EIF2AK3: variants seen among roughly 807,000 people sequenced by gnomAD.
EIF2AK3 encodes eukaryotic translation initiation factor 2 alpha kinase 3.
Under a neutral mutation model 113.5 loss-of-function variants are expected in EIF2AK3, and 50 were observed. The ratio of observed to expected loss-of-function variants is 0.44; its 90% CI spans 0.35 to 0.56. The LOEUF is 0.56. Among genes scored for constraint, EIF2AK3 ranks in the 20% least tolerant of loss-of-function variants. The pLI is 0.00. For synonymous variants in EIF2AK3, 448 were observed against 495.4 expected (o/e 0.90, Z 1.27); for missense variants, 1,185 against 1,378.0 (o/e 0.86, Z 2.22).
chr2:88,594,464 T>C (rs935177925), intron 3 of EIF2AK3, among the ~76,000 whole-genome samples: 1 of 152,160 alleles, frequency 6.6e-6, no homozygotes, highest in African/African-American at 2.4e-5. Flanking sequence ...CCCAAAGTGG[T>C]AGGATTACAA....
chr2:88,583,288 A>T, intron 10 of EIF2AK3, 142 bp downstream of exon 10: 1 of 645,842 alleles, frequency 1.5e-6, no homozygotes, highest in Non-Finnish European at 2.7e-6. Flanking sequence ...TAATACATTT[A>T]AGTTACCTGA....
intron 3 of EIF2AK3, among the ~76,000 whole-genome samples, chr2:88,594,502 G>A (rs912375079): frequency 7.2e-5 from 11 of 152,122 alleles, no homozygotes; most frequent in Non-Finnish European, 2.9e-5. Context: ...TGGTTGAAAG[G>A]ATGCTTTTAA....
intron 2 of EIF2AK3, among the ~76,000 whole-genome samples, chr2:88,601,535 T>C (rs1675147063): frequency 6.6e-6 from 1 of 152,198 alleles, no homozygotes; most frequent in Non-Finnish European, 1.5e-5. Flanking sequence ...CAGCTGCAAC[T>C]AAAGGCCACA....
intron 8 of EIF2AK3, among the ~76,000 whole-genome samples, chr2:88,587,504 G>A (rs1208581229): frequency 6.6e-6 from 1 of 152,060 alleles, no homozygotes; most frequent in African/African-American, 2.4e-5. Context: ...TCTCTTGTCT[G>A]AGTAAGAAGA....
intron 13 of EIF2AK3, among the ~76,000 whole-genome samples, chr2:88,571,491 T>G (rs1371928215): frequency 6.6e-6 from 1 of 152,166 alleles, no homozygotes; most frequent in Non-Finnish European, 1.5e-5. Flanking sequence ...ACAACCCCAT[T>G]AGATGAGTAC....
intron 11 of EIF2AK3, among the ~76,000 whole-genome samples, chr2:88,578,626 G>A (rs1334283795): frequency 6.6e-6 from 1 of 151,214 alleles, no homozygotes; most frequent in African/African-American, 2.4e-5. Flanking sequence ...AGGTTGCAGA[G>A]AGCCGAGATT....
intron 13 of EIF2AK3, 136 bp downstream of exon 13, chr2:88,574,530 T>C: frequency 1.8e-6 from 2 of 1,099,960 alleles, no homozygotes; most frequent in South Asian, 1.4e-5. Context: ...CCTTCGAGGC[T>C]ACTTTCTCAG....
intron 14 of EIF2AK3, among the ~76,000 whole-genome samples, chr2:88,567,450 C>A (rs771529318): frequency 6.6e-6 from 1 of 152,162 alleles, no homozygotes; most frequent in Non-Finnish European, 1.5e-5. Flanking sequence ...CTATTCCCAT[C>A]TTTATTTTCC....
At chr2:88,605,946 G>T (rs1031847533) in intron 2 of EIF2AK3, among the ~76,000 whole-genome samples, 3 of 152,154 alleles carry the variant, frequency 2.0e-5, no homozygotes, top group Non-Finnish European at 2.9e-5. Flanking sequence ...AACGGGAGGG[G>T]TAATGAGATT....
At chr2:88,599,026 T>G (rs1466125116) in intron 2 of EIF2AK3, among the ~76,000 whole-genome samples, 1 of 152,112 alleles carries the variant, frequency 6.6e-6, no homozygotes, top group Non-Finnish European at 1.5e-5. Flanking sequence ...GGTTTTTTTT[T>G]TTCTTTTTTG....
At chr2:88,603,721 G>A (rs1675204715) in intron 2 of EIF2AK3, among the ~76,000 whole-genome samples, 2 of 152,032 alleles carry the variant, frequency 1.3e-5, no homozygotes. Context: ...TTTGGTCATA[G>A]GTCTTCTCAC....
chr2:88,569,650 C>T (rs1479107385), intron 14 of EIF2AK3, among the ~76,000 whole-genome samples: 1 of 152,048 alleles, frequency 6.6e-6, no homozygotes, highest in East Asian at 1.9e-4. Flanking sequence ...ATGACTAATG[C>T]ACAATGTAAA....
At chr2:88,566,174 C>A (rs566924462) in intron 14 of EIF2AK3, among the ~76,000 whole-genome samples, 1 of 152,290 alleles carries the variant, frequency 6.6e-6, no homozygotes, top group South Asian at 2.1e-4. Flanking sequence ...TCCTCCCTGC[C>A]TTCTATTGAG....
In EIF2AK3 at chr2:88,595,519, C is replaced by A. The variant is rs748849019; in HGVS notation, c.583G>T (p.Val195Phe). The change falls in exon 3 of 17, where the codon GTT becomes TTT. Residue 195 changes from valine to phenylalanine, a missense_variant. Around this residue, in one of 3 missense-constraint regions of EIF2AK3, gnomAD observed 119 missense variants for 178.7 expected, o/e 0.67. Transcript: ENST00000303236. ...TATGTAGTCAGAGATTTTCCTCCAA[C>A]CAAAACAACATCATCTCCAAATTTA... The part of the protein sequence containing the change: ...SYKFGDDVVL[V>F]GGKSLTTYGL... The A allele has an allele frequency of 1.2e-6, 2 of 1,614,070 alleles. No individual in the cohort carries two copies. Among genetic ancestry groups the A allele is most frequent in the African/African-American group, 1.3e-5 (1 of 75,026 alleles).
chr2:88,558,022 T>C (rs1040115805), intron 16 of EIF2AK3, 86 bp from the exon 17 acceptor site: 2 of 1,344,910 alleles, frequency 1.5e-6, no homozygotes, highest in Non-Finnish European at 2.1e-6. Context: ...AAAATATTTC[T>C]GTACATATTT....
intron 14 of EIF2AK3, among the ~76,000 whole-genome samples, chr2:88,564,518 C>T (rs1301864051): frequency 6.6e-6 from 1 of 152,078 alleles, no homozygotes; most frequent in East Asian, 1.9e-4. Context: ...TTGTCATCAA[C>T]CTCTTCCTTT....
chr2:88,560,756 T>G (rs913749980), intron 15 of EIF2AK3, among the ~76,000 whole-genome samples: 7 of 152,112 alleles, frequency 4.6e-5, no homozygotes, highest in Non-Finnish European at 1.0e-4. Flanking sequence ...TTTTTTTTTT[T>G]TTTTCATTCA....
intron 2 of EIF2AK3, among the ~76,000 whole-genome samples, chr2:88,610,315 T>G (rs1675400885): frequency 6.6e-6 from 1 of 152,198 alleles, no homozygotes; most frequent in African/African-American, 2.4e-5. Flanking sequence ...TTTTCTAAGT[T>G]ATAAAATCAT....
In EIF2AK3 at chr2:88,590,821, G is replaced by T; in HGVS notation, c.999C>A (p.Tyr333Ter). Residue 333 changes from tyrosine to a stop codon, truncating the protein, a stop_gained, in exon 5 of 17, where the codon TAC becomes TAA. Transcript: ENST00000303236. LOFTEE classifies it high-confidence loss of function. ...AATCCTCAGTGGTGTTAGGTACCTG[G>T]TACTCCCATTCCAGATGTCCTCCCT... ...SKKGGHLEWE[Y>*]QFCTPIASAW... 2 of 1,613,886 alleles carry T rather than the reference G, an allele frequency of 1.2e-6. No homozygotes were observed. The highest frequency in any genetic ancestry group is 1.7e-6 in the Non-Finnish European group (2 of 1,179,848).
Sources: allele counts gnomAD v4.1 joint callset (sites outside exome capture counted in the v4.1 genomes callset), GRCh38; gene constraint gnomAD v4.1.1; regional missense constraint gnomAD v4.1.1; transcripts MANE v1.5; gene names NCBI Gene and HGNC (gene_info 2026-07-23, HGNC 2026-07-21).